The following RNF114 variants were observed in gnomAD, a reference collection of about 807,000 sequenced individuals.
The protein encoded by RNF114 is ring finger protein 114.
RNF114 carries 6 observed loss-of-function variants against 28.4 expected under a neutral mutation model. The observed-to-expected ratio is 0.21, with a 90% CI of 0.12 to 0.42. The LOEUF is 0.42. Ranked by LOEUF, RNF114 falls within the 10% of genes least tolerant of loss-of-function variation. The probability of loss-of-function intolerance (pLI) is 1.00; values close to 1 mark genes in which losing one functional copy is unlikely to be tolerated. For missense variants in RNF114, 249 were observed against 311.7 expected (o/e 0.80, Z 1.51); for synonymous variants, 115 against 116.7 (o/e 0.99, Z 0.09).
At chr20:49,942,012 C>T (rs756166455) in intron 2 of RNF114, 42 of 302,746 alleles carry the variant, frequency 1.4e-4, no homozygotes, top group Non-Finnish European at 2.2e-4. Context: ...TTCCTGTAAC[C>T]CCAGCTCTTT....
chr20:49,945,992 TG>T (rs1187403870), intron 3 of RNF114, 143 bp from the exon 4 acceptor site: 2 of 525,950 alleles, frequency 3.8e-6, no homozygotes, highest in Non-Finnish European at 6.7e-6. Context: ...TCACAACACT[TG>T]ACCTGAGTCT....
At chr20:49,940,603 C>T (rs560408568) in intron 1 of RNF114, among the ~76,000 whole-genome samples, 5 of 151,556 alleles carry the variant, frequency 3.3e-5, no homozygotes, top group Non-Finnish European at 5.9e-5. Flanking sequence ...TTAGTAGAGA[C>T]GGGGTTTCAC....
intron 2 of RNF114, 45 bp downstream of exon 2, chr20:49,941,756 G>A (rs1428176345): frequency 6.3e-7 from 1 of 1,593,834 alleles, no homozygotes; most frequent in Admixed American, 1.8e-5. Flanking sequence ...TCCATGATAA[G>A]TTGGGGTAAA....
chr20:49,951,986 T>TCCAGTTGCTAGGCTGTCCTGCTTCGGAG, intron 5 of RNF114, 90 bp from the exon 6 acceptor site: 1 of 1,091,412 alleles, frequency 9.2e-7, no homozygotes, highest in Non-Finnish European at 1.4e-6. Context: ...CTGCTCCGGA[T>TCCAGTTGCTAGGCTGTCCTGCTTCGGAG]CCAGTTGCTA....
At chr20:49,951,523 A>T (rs1451852313) in intron 5 of RNF114, among the ~76,000 whole-genome samples, 1 of 152,086 alleles carries the variant, frequency 6.6e-6, no homozygotes, top group African/African-American at 2.4e-5. Flanking sequence ...GCCAGCCTCC[A>T]TTCGTGTGCT....
At chr20:49,940,412 C>CTTT (rs373298495) in intron 1 of RNF114, among the ~76,000 whole-genome samples, 3 of 125,190 alleles carry the variant, frequency 2.4e-5, no homozygotes, top group Non-Finnish European at 5.3e-5. Flanking sequence ...CATCTGAACC[C>CTTT]TTTTTTTTTT....
chr20:49,949,382 C>A, intron 5 of RNF114, 27 bp downstream of exon 5: 1 of 1,581,388 alleles, frequency 6.3e-7, no homozygotes, highest in Non-Finnish European at 8.7e-7. Context: ...GGCTCTGATC[C>A]CTCCCCTGGG....
intron 4 of RNF114, among the ~76,000 whole-genome samples, 160 bp from the exon 5 acceptor site, chr20:49,949,088 A>G (rs2090345967): frequency 6.6e-6 from 1 of 152,120 alleles, no homozygotes; most frequent in Non-Finnish European, 1.5e-5. Context: ...GGAAATTTGC[A>G]GTGTTTTTTT....
intron 3 of RNF114, among the ~76,000 whole-genome samples, 158 bp downstream of exon 3, chr20:49,945,646 T>C (rs61651401): frequency 0.011 from 1,681 of 152,286 alleles, 40 homozygotes; most frequent in African/African-American, 0.038. Flanking sequence ...GGTGTTCACT[T>C]CAGATGTTAG....
chr20:49,946,258 AC>A lies in RNF114; in HGVS notation c.513+10del. On this transcript the variant is annotated intron_variant, in intron 4 of 5. Transcript: ENST00000244061. The stretch of plus-strand genomic sequence containing the variant: ...ACGGATACCAAATCTGTGGTGAGTA[AC>A]CTTTTTTTTTTTTTTTAAACTTCAT... 3 of 1,357,856 alleles carry A rather than the reference AC, an allele frequency of 2.2e-6. No individual in the cohort carries two copies. Among genetic ancestry groups the A allele is most frequent in the East Asian group, 2.3e-5 (1 of 42,586 alleles). The allele number at this position is 1,357,856 out of a possible 1,614,324, so 84.1% of individuals were successfully genotyped here.
intron 5 of RNF114, among the ~76,000 whole-genome samples, chr20:49,951,443 A>G (rs1208930427): frequency 6.6e-6 from 1 of 151,954 alleles, no homozygotes; most frequent in Non-Finnish European, 1.5e-5. Context: ...CTCAGAAACA[A>G]CTCTTCAGCT....
At chr20:49,948,733 G>A (rs970000730) in intron 4 of RNF114, among the ~76,000 whole-genome samples, 7 of 152,014 alleles carry the variant, frequency 4.6e-5, no homozygotes, top group African/African-American at 9.7e-5. Flanking sequence ...CACTGTGCCC[G>A]GCCTGGAGCA....
chr20:49,945,936 G>A (rs893110790), intron 3 of RNF114, among the ~76,000 whole-genome samples, 200 bp from the exon 4 acceptor site: 4 of 152,166 alleles, frequency 2.6e-5, no homozygotes, highest in Non-Finnish European at 4.4e-5. Context: ...AAAGTGCTGC[G>A]ATTACAGGCG....
rs568604830 is a variant in RNF114, at chr20:49,953,479, G to A, written c.*1338G>A. On this transcript the variant is annotated 3_prime_UTR_variant, in exon 6 of 6. Transcript: ENST00000244061. ...GATGGGGCTGCAAGTGCTACCTCGC[G>A]CTTGTACACTGCTGCTGTGGGGCTC... 1.3e-5 allele frequency: 2 copies of A among 152,186 alleles called. No homozygotes were observed. The highest frequency in any genetic ancestry group is 2.9e-5 in the Non-Finnish European group (2 of 68,046). 9.4% of individuals were successfully genotyped at this position (152,186 alleles called of 1,614,324 possible).
chr20:49,941,884 T>G (rs1600868959), intron 2 of RNF114, 173 bp downstream of exon 2: 1 of 562,526 alleles, frequency 1.8e-6, no homozygotes, highest in Non-Finnish European at 3.0e-6. Context: ...ACCTTACTGG[T>G]TTTTGTTTCT....
intron 4 of RNF114, 83 bp from the exon 5 acceptor site, chr20:49,949,165 A>C (rs938116147): frequency 4.6e-6 from 5 of 1,094,980 alleles, no homozygotes; most frequent in Non-Finnish European, 7.0e-6. Flanking sequence ...CTGTCCTGGA[A>C]GAAAGGAGGC....
At chr20:49,938,559 C>T (rs1346295334) in intron 1 of RNF114, among the ~76,000 whole-genome samples, 1 of 152,168 alleles carries the variant, frequency 6.6e-6, no homozygotes, top group African/African-American at 2.4e-5. Flanking sequence ...CTGTGTTCTC[C>T]AATCTGGTAG....
chr20:49,942,166 A>G (rs1416859390), intron 2 of RNF114, among the ~76,000 whole-genome samples: 1 of 152,120 alleles, frequency 6.6e-6, no homozygotes, highest in Non-Finnish European at 1.5e-5. Flanking sequence ...GGCAGAGGCC[A>G]GAGGATCACT....
intron 1 of RNF114, 108 bp from the exon 2 acceptor site, chr20:49,941,453 A>G: frequency 8.1e-7 from 1 of 1,235,370 alleles, no homozygotes; most frequent in Non-Finnish European, 1.1e-6. Context: ...GGAGAGAGCA[A>G]GTTGTTTTTT....
Sources: allele counts gnomAD v4.1 joint callset (sites outside exome capture counted in the v4.1 genomes callset), GRCh38; gene constraint gnomAD v4.1.1; transcripts MANE v1.5; gene names NCBI Gene and HGNC (gene_info 2026-07-23, HGNC 2026-07-21).